CTCF: variants seen among roughly 807,000 people sequenced by gnomAD.
CTCF encodes CCCTC-binding factor.
Under a neutral mutation model 72.3 loss-of-function variants are expected in CTCF, and 7 were observed. The observed-to-expected ratio is 0.10, with a 90% CI of 0.06 to 0.18. The LOEUF (loss-of-function observed/expected upper bound fraction) is 0.18. Among genes scored for constraint, CTCF ranks in the 10% least tolerant of loss-of-function variants. CTCF has a pLI of 1.00. For synonymous variants in CTCF, 374 were observed against 315.8 expected, an observed-to-expected ratio of 1.18 and a Z score of -1.95; for missense variants, 516 against 949.1, an observed-to-expected ratio of 0.54 and a Z score of 6.00.
intron 2 of CTCF, among the ~76,000 whole-genome samples, chr16:67,577,498 T>TGC (rs2051515087): frequency 6.6e-6 from 1 of 150,876 alleles, no homozygotes; most frequent in Non-Finnish European, 1.5e-5. Flanking sequence ...AGTGCAGTGG[T>TGC]GCGATATTGG....
At chr16:67,619,570 A>ATTTTTG (rs1197824113) in intron 5 of CTCF, among the ~76,000 whole-genome samples, 2 of 152,174 alleles carry the variant, frequency 1.3e-5, no homozygotes, top group East Asian at 3.8e-4. Flanking sequence ...AATGTTCAAA[A>ATTTTTG]CGCTTTTTGG....
chr16:67,596,858 A>C (rs1195342884), intron 2 of CTCF, among the ~76,000 whole-genome samples: 1 of 152,124 alleles, frequency 6.6e-6, no homozygotes, highest in Non-Finnish European at 1.5e-5. Context: ...AAGTGCTGGG[A>C]TTACAGGTGT....
rs2052469885 is a variant in CTCF at position 67,639,028 on chromosome 16, T to C, written c.*1156T>C. On this transcript the variant is annotated 3_prime_UTR_variant, in exon 12 of 12. Transcript: ENST00000264010. The stretch of plus-strand genomic sequence containing the variant: ...AGTTAGCTATCAGACTCTAGGTTGA[T>C]GCATTTTGTACTTAGCTGTACTGTG... 4.9e-6 allele frequency: 1 copy of C among 203,364 alleles called. No homozygotes were observed. Among genetic ancestry groups the C allele is most frequent in the Non-Finnish European group, 1.0e-5 (1 of 98,838 alleles). The allele number at this position is 203,364 out of a possible 1,614,324, so 12.6% of individuals were successfully genotyped here.
chr16:67,587,430 G>T (rs2051683310), intron 2 of CTCF, among the ~76,000 whole-genome samples: 1 of 151,968 alleles, frequency 6.6e-6, no homozygotes, highest in Non-Finnish European at 1.5e-5. Flanking sequence ...GTTTTACTAA[G>T]TAGCCTTCAT....
chr16:67,563,202 C>G (rs1453991518), intron 1 of CTCF: 1 of 152,216 alleles, frequency 6.6e-6, no homozygotes, highest in Admixed American at 6.5e-5. Context: ...CCGCCGCGCG[C>G]TAAGCCAGGT....
At chr16:67,603,702 G>A (rs1001833297) in intron 2 of CTCF, among the ~76,000 whole-genome samples, 1 of 151,814 alleles carries the variant, frequency 6.6e-6, no homozygotes, top group Admixed American at 6.6e-5. Context: ...ACAGGAGCCT[G>A]TAGTCCCAGC....
At chr16:67,633,741 G>A (rs943198819) in intron 10 of CTCF, among the ~76,000 whole-genome samples, 2 of 149,770 alleles carry the variant, frequency 1.3e-5, no homozygotes. Flanking sequence ...ACAAGACCCC[G>A]CCTCAAAAAA....
intron 2 of CTCF, among the ~76,000 whole-genome samples, chr16:67,601,115 C>G (rs1015974209): frequency 5.3e-5 from 8 of 151,992 alleles, no homozygotes; most frequent in African/African-American, 1.9e-4. Flanking sequence ...GGAGAATGAC[C>G]TGGTCCAGCC....
chr16:67,597,416 T>C (rs1343732666), intron 2 of CTCF, among the ~76,000 whole-genome samples: 1 of 152,108 alleles, frequency 6.6e-6, no homozygotes, highest in Non-Finnish European at 1.5e-5. Flanking sequence ...CTTGACGCAC[T>C]ACAACCTCCA....
At chr16:67,594,008 T>C (rs1009562544) in intron 2 of CTCF, among the ~76,000 whole-genome samples, 3 of 152,186 alleles carry the variant, frequency 2.0e-5, no homozygotes, top group African/African-American at 4.8e-5. Flanking sequence ...AACCTTAATA[T>C]CTTCAAAAAT....
intron 4 of CTCF, among the ~76,000 whole-genome samples, chr16:67,613,737 C>T (rs2052091078): frequency 1.3e-5 from 2 of 152,020 alleles, no homozygotes; most frequent in Non-Finnish European, 1.5e-5. Flanking sequence ...GATTGTGCCA[C>T]CGTACTCCAA....
chr16:67,584,082 C>T (rs556297373), intron 2 of CTCF, among the ~76,000 whole-genome samples: 2 of 132,796 alleles, frequency 1.5e-5, no homozygotes, highest in African/African-American at 6.3e-5. Flanking sequence ...TTAAAAATGT[C>T]TGCCTTCAGC....
chr16:67,604,155 A>T (rs1373542838), intron 2 of CTCF, among the ~76,000 whole-genome samples: 1 of 151,242 alleles, frequency 6.6e-6, no homozygotes, highest in Non-Finnish European at 1.5e-5. Context: ...AGAAAAGAAA[A>T]GAAAATTAAT....
At chr16:67,606,333 C>T (rs1226958813) in intron 2 of CTCF, among the ~76,000 whole-genome samples, 1 of 152,188 alleles carries the variant, frequency 6.6e-6, no homozygotes, top group African/African-American at 2.4e-5. Flanking sequence ...TTCAGGGTTC[C>T]GTTCAAATTC....
chr16:67,618,810 G>T (rs2052165465), intron 5 of CTCF, among the ~76,000 whole-genome samples: 2 of 152,184 alleles, frequency 1.3e-5, no homozygotes, highest in Admixed American at 1.3e-4. Flanking sequence ...TCTATGAAAT[G>T]TACATGAAGA....
At chr16:67,624,071 A>ATATGTGTGTGTG (rs71382019) in intron 7 of CTCF, among the ~76,000 whole-genome samples, 11 of 117,584 alleles carry the variant, frequency 9.4e-5, no homozygotes, top group East Asian at 2.5e-4. Context: ...AAAATTATAT[A>ATATGTGTGTGTG]TGTGTGTGTG....
intron 7 of CTCF, among the ~76,000 whole-genome samples, chr16:67,624,177 A>G (rs2052250602): frequency 6.6e-6 from 1 of 150,924 alleles, no homozygotes; most frequent in African/African-American, 2.4e-5. Context: ...ATGTATTCAT[A>G]TATATATGTA....
chr16:67,599,369 T>C (rs562238279), intron 2 of CTCF, among the ~76,000 whole-genome samples: 10 of 152,264 alleles, frequency 6.6e-5, no homozygotes, highest in African/African-American at 2.4e-4. Context: ...CGCTCCAGCC[T>C]GGGCAACAGA....
intron 2 of CTCF, among the ~76,000 whole-genome samples, chr16:67,585,443 T>TA (rs2051657001): frequency 6.6e-6 from 1 of 152,258 alleles, no homozygotes; most frequent in African/African-American, 2.4e-5. Flanking sequence ...GATGCATTAC[T>TA]AGGCTCTGAC....
Sources: allele counts gnomAD v4.1 joint callset (sites outside exome capture counted in the v4.1 genomes callset), GRCh38; gene constraint gnomAD v4.1.1; transcripts MANE v1.5; gene names NCBI Gene and HGNC (gene_info 2026-07-23, HGNC 2026-07-21).